Variants in RBFOX1 observed in about 807,000 individuals in gnomAD.
RBFOX1 encodes the protein RNA binding protein fox-1 homolog 1.
RBFOX1 carries 8 observed loss-of-function variants against 57.7 expected under a neutral mutation model. The observed-to-expected ratio is 0.14, with a 90% CI of 0.08 to 0.25. The LOEUF is 0.25. Ranked by LOEUF, RBFOX1 falls within the 10% of genes least tolerant of loss-of-function variation. RBFOX1 has a pLI of 1.00. For synonymous variants in RBFOX1, 326 were observed against 222.4 expected, an observed-to-expected ratio of 1.47 and a Z score of -4.15; for missense variants, 611 against 548.5, an observed-to-expected ratio of 1.11 and a Z score of -1.14.
intron 12 of RBFOX1, among the ~76,000 whole-genome samples, chr16:7,657,606 T>G (rs560123688): frequency 2.0e-5 from 3 of 152,232 alleles, no homozygotes; most frequent in Non-Finnish European, 4.4e-5. Context: ...CGCACAGACA[T>G]TCATCAATTT....
intron 4 of RBFOX1, among the ~76,000 whole-genome samples, chr16:5,977,217 G>A (rs1167097110): frequency 6.6e-6 from 1 of 152,170 alleles, no homozygotes; most frequent in Admixed American, 6.5e-5. Flanking sequence ...AAACTCTGGT[G>A]ACTTTGGAAA....
intron 3 of RBFOX1, among the ~76,000 whole-genome samples, chr16:7,003,725 A>T (rs1323654418): frequency 6.6e-6 from 1 of 152,264 alleles, no homozygotes; most frequent in East Asian, 1.9e-4. Context: ...AATGTAATTA[A>T]GTTAGTATGT....
chr16:5,612,718 G>C (rs1024371963), intron 3 of RBFOX1, among the ~76,000 whole-genome samples: 8 of 152,220 alleles, frequency 5.3e-5, no homozygotes, highest in Admixed American at 5.2e-4. Flanking sequence ...TTTAGGAACT[G>C]CTAAAAGATA....
At chr16:5,969,325 G>GTTTTTTTTTTTTTTTTT (rs1392384342) in intron 4 of RBFOX1, among the ~76,000 whole-genome samples, 8 of 120,648 alleles carry the variant, frequency 6.6e-5, no homozygotes, top group Admixed American at 9.5e-5. Flanking sequence ...TTTTTTTTTG[G>GTTTTTTTTTTTTTTTTT]TTTGGAAATG....
At chr16:6,275,474 G>T (rs752999108) in intron 1 of RBFOX1, among the ~76,000 whole-genome samples, 2 of 152,136 alleles carry the variant, frequency 1.3e-5, no homozygotes, top group African/African-American at 2.4e-5. Flanking sequence ...TAACTACCCC[G>T]TGGAATAGTA....
chr16:6,487,570 C>T (rs1008420386), intron 2 of RBFOX1, among the ~76,000 whole-genome samples: 3 of 149,156 alleles, frequency 2.0e-5, no homozygotes, highest in Admixed American at 6.7e-5. Context: ...AAGAATCTGT[C>T]GGCAAGCTCC....
rs112431238 is a variant in RBFOX1 at position 7,661,101 on chromosome 16, A to G, written c.891-3828A>G. On this transcript the variant is annotated intron_variant, in intron 12 of 15. Transcript: ENST00000550418. ...GAGTAATGGTGCTCGTGCTGTTACTATTAGGGAGAAAAACAATGTTTTGGT... is the reference window on the plus strand; with the variant it reads ...GAGTAATGGTGCTCGTGCTGTTACTGTTAGGGAGAAAAACAATGTTTTGGT... Among the ~76,000 whole-genome samples, 7 of 152,288 alleles carry G rather than the reference A, an allele frequency of 4.6e-5. 1 individual carries two copies. In the South Asian group the frequency reaches 6.2e-4, roughly 14 times the overall value.
chr16:7,003,984 A>AG (rs201655123), intron 3 of RBFOX1: 2 of 138,088 alleles, frequency 1.4e-5, no homozygotes, highest in Admixed American at 7.1e-5. Flanking sequence ...GGTAGAAATG[A>AG]GGGGTTTTTT....
intron 5 of RBFOX1, among the ~76,000 whole-genome samples, chr16:7,519,973 C>T (rs1324342333): frequency 6.6e-6 from 1 of 152,132 alleles, no homozygotes. Context: ...GCAAGCTCCA[C>T]CTCCCAGGTT....
chr16:6,890,912 G>T (rs1482887517), intron 3 of RBFOX1, among the ~76,000 whole-genome samples: 1 of 152,186 alleles, frequency 6.6e-6, no homozygotes, highest in African/African-American at 2.4e-5. Flanking sequence ...CATGAAGTGA[G>T]AAACTTGAAC....
intron 3 of RBFOX1, among the ~76,000 whole-genome samples, chr16:7,042,321 G>C (rs1025135968): frequency 2.6e-5 from 4 of 152,208 alleles, no homozygotes; most frequent in Non-Finnish European, 5.9e-5. Flanking sequence ...GTTTTGTTTG[G>C]TTTACCTGAC....
At chr16:5,950,283 G>T (rs1374475231) in intron 4 of RBFOX1, among the ~76,000 whole-genome samples, 2 of 152,224 alleles carry the variant, frequency 1.3e-5, no homozygotes, top group African/African-American at 4.8e-5. Context: ...CACCTGCCTA[G>T]ACTGAACACC....
chr16:7,449,729 T>TGTG (rs1387874058), intron 4 of RBFOX1, among the ~76,000 whole-genome samples: 73 of 76,672 alleles, frequency 9.5e-4, no homozygotes, highest in African/African-American at 3.4e-3. Context: ...TGTGTGTGTG[T>TGTG]GGGGGGGGGG....
rs185380157 is a variant in RBFOX1 at position 5,587,374 on chromosome 16, A to G, written c.259-11528A>G. Among the ~76,000 whole-genome samples the G allele has an allele frequency of 6.0e-3, 916 of 152,364 alleles. 7 individuals are homozygous for G. Among genetic ancestry groups the G allele is most frequent in the African/African-American group, 0.021 (858 of 41,582 alleles). On this transcript the variant is annotated intron_variant, in intron 2 of 2. Coordinates refer to the RBFOX1 transcript ENST00000585867. ...TCGGGAAAATGCAAGTCAAAACTGCAGGGAGATACCACTGCACACCCATTA... is the reference window on the plus strand; with the variant it reads ...TCGGGAAAATGCAAGTCAAAACTGCGGGGAGATACCACTGCACACCCATTA...
upstream of RBFOX1, chr16:5,239,763 C>CCGATGCCCGGCT (rs2062116522): frequency 2.4e-6 from 1 of 417,120 alleles, no homozygotes; most frequent in Non-Finnish European, 4.0e-6. Flanking sequence ...CCGCGCCGGC[C>CCGATGCCCGGCT]CCGATGCCCA....
chr16:7,046,236 G>GT (rs1568519391), intron 3 of RBFOX1, among the ~76,000 whole-genome samples: 10 of 139,594 alleles, frequency 7.2e-5, no homozygotes, highest in East Asian at 2.0e-4. Context: ...TTAGGTAAAG[G>GT]GGTGTGTGTG....
At chr16:5,769,685 T>C (rs1290588696) in intron 3 of RBFOX1, among the ~76,000 whole-genome samples, 1 of 151,874 alleles carries the variant, frequency 6.6e-6, no homozygotes, top group Non-Finnish European at 1.5e-5. Flanking sequence ...CACAAACAAA[T>C]ACAGGAGGAA....
chr16:7,170,811 G>C (rs898448168), intron 4 of RBFOX1, among the ~76,000 whole-genome samples: 2 of 152,172 alleles, frequency 1.3e-5, no homozygotes, highest in East Asian at 3.9e-4. Flanking sequence ...TGGTGACAGA[G>C]CTTCCACTTA....
intron 3 of RBFOX1, among the ~76,000 whole-genome samples, chr16:6,669,521 T>G (rs1401459965): frequency 1.3e-5 from 2 of 152,180 alleles, no homozygotes; most frequent in African/African-American, 4.8e-5. Context: ...AAGTAAAAAT[T>G]ATATGTTTAA....
Sources: allele counts gnomAD v4.1 joint callset (sites outside exome capture counted in the v4.1 genomes callset), GRCh38; gene constraint gnomAD v4.1.1; transcripts MANE v1.5; gene names NCBI Gene and HGNC (gene_info 2026-07-23, HGNC 2026-07-21).